Variants in NRXN3 observed in about 807,000 individuals in gnomAD.
The protein encoded by NRXN3 is neurexin 3, also known as neurexin III.
In NRXN3, 32 loss-of-function variants were observed where a neutral mutation model predicts 137.6. The observed-to-expected ratio is 0.23, with a 90% CI of 0.18 to 0.31. The LOEUF is 0.31. Ranked by LOEUF, NRXN3 falls within the 10% of genes least tolerant of loss-of-function variation. The pLI, the probability that NRXN3 is intolerant of heterozygous loss-of-function variation, is 1.00. For missense variants in NRXN3, 1,574 were observed against 2,062.5 expected, an observed-to-expected ratio of 0.76 and a Z score of 4.59; for synonymous variants, 798 against 784.5, an observed-to-expected ratio of 1.02 and a Z score of -0.29.
intron 16 of NRXN3, among the ~76,000 whole-genome samples, chr14:79,477,740 G>A (rs2096572382): frequency 6.6e-6 from 1 of 152,216 alleles, no homozygotes; most frequent in South Asian, 2.1e-4. Flanking sequence ...TCTTGAGTAA[G>A]TGTTTCTAGA....
rs947467874 is a variant in NRXN3 at position 79,147,380 on chromosome 14, A to G, written c.3262+159239A>G. Among the ~76,000 whole-genome samples, 10 of 152,094 alleles carry G rather than the reference A, an allele frequency of 6.6e-5. 1 individual carries two copies. Among genetic ancestry groups the G allele is most frequent in the Admixed American group, 5.9e-4 (9 of 15,272 alleles). ...AATAACTTAATAGTCAAGTGACTGC[A>G]TGTCATGTTTCGCAAGGAGGTGGAA... On this transcript the variant is annotated intron_variant, in intron 15 of 20. Transcript: ENST00000335750.
intron 4 of NRXN3, among the ~76,000 whole-genome samples, chr14:78,629,199 G>A (rs2097497509): frequency 1.3e-5 from 2 of 152,172 alleles, no homozygotes; most frequent in South Asian, 4.1e-4. Context: ...ACTGTTTAAG[G>A]TTATAGAATT....
At chr14:78,890,230 C>T (rs1421300434) in intron 10 of NRXN3, among the ~76,000 whole-genome samples, 1 of 151,790 alleles carries the variant, frequency 6.6e-6, no homozygotes, top group Non-Finnish European at 1.5e-5. Flanking sequence ...GGATAATCTA[C>T]AAAATACATG....
Position 79,864,087 on chromosome 14 carries a change from C to A in NRXN3, c.*2123C>A, listed in dbSNP as rs1003314085. On this transcript the variant is annotated 3_prime_UTR_variant, in exon 21 of 21. Coordinates refer to ENST00000335750, the MANE Select transcript of NRXN3 (RefSeq NM_001330195.2). The stretch of plus-strand genomic sequence containing the variant: ...GATAACCTAAACGGCCCAGCCTATA[C>A]GAAGTTGATTATATCTCGATGTCTG... The A allele has an allele frequency of 6.6e-6, 1 of 152,528 alleles. No homozygotes were observed. The highest frequency in any genetic ancestry group is 1.5e-5 in the Non-Finnish European group (1 of 68,014). The allele number at this position is 152,528 out of a possible 1,614,324, so 9.4% of individuals were successfully genotyped here. A position where few individuals can be genotyped will look rare whatever the true frequency, so the allele number is the denominator to read the frequency against.
At chr14:78,788,628 C>T (rs1049359514) in intron 8 of NRXN3, among the ~76,000 whole-genome samples, 1 of 152,112 alleles carries the variant, frequency 6.6e-6, no homozygotes, top group African/African-American at 2.4e-5. Context: ...AGCAATTGGC[C>T]CTCCCCTAGA....
At chr14:78,346,192 T>G (rs1304251319) in intron 4 of NRXN3, among the ~76,000 whole-genome samples, 1 of 152,208 alleles carries the variant, frequency 6.6e-6, no homozygotes, top group Non-Finnish European at 1.5e-5. Flanking sequence ...CTACAACCTC[T>G]GGCTGATCTC....
chr14:78,299,777 C>G (rs887994658), intron 4 of NRXN3, among the ~76,000 whole-genome samples: 3 of 152,162 alleles, frequency 2.0e-5, no homozygotes, highest in Non-Finnish European at 2.9e-5. Context: ...CAGATACAAC[C>G]ATGCTCCGGG....
intron 4 of NRXN3, among the ~76,000 whole-genome samples, chr14:78,477,454 T>C (rs1424182269): frequency 6.6e-6 from 1 of 152,220 alleles, no homozygotes; most frequent in Non-Finnish European, 1.5e-5. Flanking sequence ...TATTCTCCAA[T>C]ATAAATTTAG....
chr14:78,570,206 T>G (rs549839524), intron 4 of NRXN3, among the ~76,000 whole-genome samples: 6 of 152,242 alleles, frequency 3.9e-5, no homozygotes, highest in African/African-American at 1.4e-4. Flanking sequence ...TAGAATGAAA[T>G]CCATGCCCTT....
At chr14:79,821,546 A>G (rs2099272491) in intron 20 of NRXN3, among the ~76,000 whole-genome samples, 1 of 152,218 alleles carries the variant, frequency 6.6e-6, no homozygotes, top group Non-Finnish European at 1.5e-5. Flanking sequence ...AAATTCCTTT[A>G]AATATAGCCC....
At chr14:79,604,075 T>G (rs1426925039) in intron 16 of NRXN3, among the ~76,000 whole-genome samples, 1 of 152,002 alleles carries the variant, frequency 6.6e-6, no homozygotes, top group East Asian at 1.9e-4. Context: ...GTATTTTTAG[T>G]AGAGACGGGG....
At chr14:79,545,229 A>C (rs1031688826) in intron 16 of NRXN3, among the ~76,000 whole-genome samples, 1 of 152,346 alleles carries the variant, frequency 6.6e-6, no homozygotes, top group East Asian at 1.9e-4. Flanking sequence ...TTAGAAGTCC[A>C]ATACAGGTAT....
At chr14:78,397,494 G>GT (rs376908385) in intron 4 of NRXN3, among the ~76,000 whole-genome samples, 71 of 149,328 alleles carry the variant, frequency 4.8e-4, no homozygotes, top group East Asian at 2.0e-3. Context: ...CAGTTATTCT[G>GT]TTTTTTTTTC....
At chr14:78,821,715 C>T (rs951414147) in intron 10 of NRXN3, among the ~76,000 whole-genome samples, 3 of 152,034 alleles carry the variant, frequency 2.0e-5, no homozygotes, top group Non-Finnish European at 4.4e-5. Flanking sequence ...AATGATGCAG[C>T]CACTGGGCCG....
chr14:79,344,900 T>C (rs1012162566), intron 15 of NRXN3, among the ~76,000 whole-genome samples: 2 of 152,216 alleles, frequency 1.3e-5, no homozygotes, highest in African/African-American at 4.8e-5. Context: ...AAGATTTTTA[T>C]GGCTCAGAGG....
At chr14:79,089,976 TA>T (rs2048858130) in intron 15 of NRXN3, among the ~76,000 whole-genome samples, 2 of 152,308 alleles carry the variant, frequency 1.3e-5, no homozygotes, top group East Asian at 3.9e-4. Context: ...TAAATAATCA[TA>T]AAACTCATAT....
chr14:78,543,832 T>C (rs1011376495), intron 4 of NRXN3, among the ~76,000 whole-genome samples: 1 of 152,168 alleles, frequency 6.6e-6, no homozygotes, highest in Non-Finnish European at 1.5e-5. Context: ...AGGTAGCCTC[T>C]TCAGGGTAGA....
chr14:78,722,538 C>T (rs1390058057), intron 8 of NRXN3, among the ~76,000 whole-genome samples: 2 of 152,168 alleles, frequency 1.3e-5, no homozygotes, highest in Non-Finnish European at 1.5e-5. Flanking sequence ...TTCTTCACTA[C>T]AGTTTGGATT....
intron 15 of NRXN3, chr14:79,072,020 T>C (rs1414788457): frequency 2.8e-5 from 3 of 105,798 alleles, no homozygotes; most frequent in Non-Finnish European, 2.4e-5. Flanking sequence ...AAGTAATTAC[T>C]ATTTATTTTT....
Sources: allele counts gnomAD v4.1 joint callset (sites outside exome capture counted in the v4.1 genomes callset), GRCh38; gene constraint gnomAD v4.1.1; transcripts MANE v1.5; gene names NCBI Gene and HGNC (gene_info 2026-07-23, HGNC 2026-07-21).